The following AMZ1 variants were observed in gnomAD, a reference collection of about 807,000 sequenced individuals.
AMZ1 encodes the protein archaelysin family metallopeptidase 1.
In AMZ1, 39 loss-of-function variants were observed where a neutral mutation model predicts 29.9. That is an observed-to-expected ratio of 1.30 (90% CI 1.01 to 1.70). The LOEUF (loss-of-function observed/expected upper bound fraction) is 1.70. Ranked by LOEUF, AMZ1 falls within the 40% of genes most tolerant of loss-of-function variation. AMZ1 has a pLI of 0.00. For synonymous variants in AMZ1, 458 were observed against 304.0 expected (o/e 1.51, Z -5.27); for missense variants, 1,041 against 680.6 (o/e 1.53, Z -5.89).
upstream of AMZ1, among the ~76,000 whole-genome samples, chr7:2,684,719 G>A (rs865839932): frequency 8.0e-4 from 122 of 152,284 alleles, no homozygotes; most frequent in African/African-American, 2.5e-3. Context: ...GTCATCAGCA[G>A]GCTGCCTCTG....
chr7:2,735,893 G>A (rs913288031), intron 4 of AMZ1, among the ~76,000 whole-genome samples: 3 of 152,110 alleles, frequency 2.0e-5, no homozygotes, highest in African/African-American at 4.8e-5. Flanking sequence ...GGGGCTGGAG[G>A]GGAGGGAAGA....
intron 4 of AMZ1, among the ~76,000 whole-genome samples, chr7:2,750,978 A>T (rs1791006461): frequency 6.6e-6 from 1 of 152,230 alleles, no homozygotes; most frequent in Non-Finnish European, 1.5e-5. Flanking sequence ...AATCAAGAAG[A>T]ATTCACAATG....
At chr7:2,734,496 C>T (rs140292970) in intron 4 of AMZ1, among the ~76,000 whole-genome samples, 87 of 152,226 alleles carry the variant, frequency 5.7e-4, no homozygotes, top group African/African-American at 2.0e-3. Flanking sequence ...GGCGAGCTGA[C>T]GCAGGAGAAT....
chr7:2,698,629 G>T (rs1463491235), intron 1 of AMZ1, among the ~76,000 whole-genome samples: 1 of 152,090 alleles, frequency 6.6e-6, no homozygotes, highest in Non-Finnish European at 1.5e-5. Context: ...TTGAGCCCAG[G>T]AGTTTGAGAC....
rs1032761329 is a variant in AMZ1, at chr7:2,712,797, C to T, written c.1416C>T (p.Ser472=). 5 of 1,552,182 alleles carry T rather than the reference C, an allele frequency of 3.2e-6. No individual in the cohort carries two copies. The highest frequency in any genetic ancestry group is 2.7e-5 in the African/African-American group (2 of 73,336). Residue 472 remains serine (S), a synonymous_variant, in exon 7 of 7, where the codon TCC becomes TCT. Coordinates refer to ENST00000683327, the MANE Select transcript of AMZ1 (RefSeq NM_001384743.1). ...GCAAGGTGCTGGGGGACAAGTTCTC[C>T]TCCCTGAGGAGGAAGCTGAGTGCCC... ...GLRKVLGDKF[S]SLRRKLSARK...
At position 2,731,226 on chromosome 7, in the gene AMZ1, T is replaced by C. The variant is rs1442153597; in HGVS notation, n.550+21410T>C. On this transcript the variant is annotated intron_variant and non_coding_transcript_variant, in intron 4 of 4. Coordinates refer to the AMZ1 transcript ENST00000489665. The surrounding 1 kb of genome is among the most constrained non-coding windows in gnomAD (Gnocchi z 6.0). ...TCAGGTTCTCCTGCAGGATGGTGTC[T>C]TTCACAGCATGGAACACGAAGCGGA... 6.2e-7 allele frequency: 1 copy of C among 1,613,220 alleles called. No individual in the cohort carries two copies.
chr7:2,735,363 C>T (rs543499442), intron 4 of AMZ1, among the ~76,000 whole-genome samples: 1 of 152,332 alleles, frequency 6.6e-6, no homozygotes, highest in African/African-American at 2.4e-5. Context: ...GGCAGTTCTC[C>T]TGCAGGGTTC....
At chr7:2,721,312 TGAG>T (rs1789411177), downstream of AMZ1, among the ~76,000 whole-genome samples, 1 of 152,196 alleles carries the variant, frequency 6.6e-6, no homozygotes, top group Non-Finnish European at 1.5e-5. Flanking sequence ...GTGGAAGATG[TGAG>T]GAGGCCTCTG....
In AMZ1 at chr7:2,709,179, G is replaced by GC. The variant is rs749302796; in HGVS notation, c.712dup (p.Leu238ProfsTer118). The GC allele has an allele frequency of 5.8e-6, 9 of 1,544,202 alleles. No homozygotes were observed. Among genetic ancestry groups the GC allele is most frequent in the East Asian group, 2.3e-5 (1 of 43,342 alleles). On this transcript the variant is annotated frameshift_variant, in exon 5 of 7. Coordinates refer to ENST00000683327, the MANE Select transcript of AMZ1 (RefSeq NM_001384743.1). LOFTEE classifies it high-confidence loss of function. ...AGAGGCAGCAGCAGACGGCCCCGAGGCCCCCCTGCAGGACAGGGGCTGGGC... is the reference window on the plus strand; with the variant it reads ...AGAGGCAGCAGCAGACGGCCCCGAGGCCCCCCCTGCAGGACAGGGGCTGGGC...
chr7:2,736,454 A>G (rs1403621298), intron 4 of AMZ1, among the ~76,000 whole-genome samples: 2 of 152,208 alleles, frequency 1.3e-5, no homozygotes, highest in Non-Finnish European at 2.9e-5. Context: ...CCCTGCCTCA[A>G]CTGTCCCACG....
chr7:2,696,257 A>ATT (rs527280174), intron 1 of AMZ1, among the ~76,000 whole-genome samples: 12,702 of 121,970 alleles, frequency 0.1, 1,244 homozygotes, highest in East Asian at 0.39. Context: ...CTTGATAGTC[A>ATT]TTTTTTTTTT....
Position 2,731,010 on chromosome 7 carries a change from C to CT in AMZ1, n.550+21198dup. ...TAGCTAACGTGACAGTTTCCATGTC[C>CT]TTTTGCCTAGAGCTCGCTGGCTGGC... On this transcript the variant is annotated intron_variant and non_coding_transcript_variant, in intron 4 of 4. Transcript: ENST00000489665. This position sits in a 1 kb window ranked among gnomAD's most constrained non-coding sequence, Gnocchi z 6.0. The CT allele has an allele frequency of 1.8e-6, 1 of 553,494 alleles. No individual in the cohort carries two copies. The highest frequency in any genetic ancestry group is 3.2e-6 in the Non-Finnish European group (1 of 309,842). The allele number at this position is 553,494 out of a possible 1,614,324, so 34.3% of individuals were successfully genotyped here. A position where few individuals can be genotyped will look rare whatever the true frequency, so the allele number is the denominator to read the frequency against.
intron 4 of AMZ1, among the ~76,000 whole-genome samples, chr7:2,746,658 T>C (rs371974007): frequency 6.6e-6 from 1 of 151,676 alleles, no homozygotes; most frequent in East Asian, 1.9e-4. Context: ...AGGCAAGAAA[T>C]AACTAAGATC....
At chr7:2,680,003 C>G (rs1352763232) in intron 1 of AMZ1, among the ~76,000 whole-genome samples, 2 of 152,212 alleles carry the variant, frequency 1.3e-5, no homozygotes, top group African/African-American at 4.8e-5. Flanking sequence ...CTGAGGGACG[C>G]AGCTCACAGC....
intron 4 of AMZ1, among the ~76,000 whole-genome samples, chr7:2,736,251 C>G (rs111707879): frequency 9.9e-4 from 151 of 152,314 alleles, no homozygotes; most frequent in African/African-American, 3.4e-3. Context: ...AGCCCAGAGT[C>G]CTCTCAACGG....
At chr7:2,702,162 C>G (rs555779518) in intron 2 of AMZ1, 4 of 153,594 alleles carry the variant, frequency 2.6e-5, no homozygotes, top group African/African-American at 9.6e-5. Flanking sequence ...GTGTGCATCC[C>G]TTCAGGGGCT....
intron 1 of AMZ1, among the ~76,000 whole-genome samples, chr7:2,695,638 A>C (rs1400482063): frequency 1.3e-5 from 2 of 152,102 alleles, no homozygotes; most frequent in Admixed American, 1.3e-4. Context: ...GCTTGAGCCC[A>C]GGAGTTGGAG....
At chr7:2,697,439 T>C (rs1407467897) in intron 1 of AMZ1, among the ~76,000 whole-genome samples, 2 of 152,040 alleles carry the variant, frequency 1.3e-5, no homozygotes, top group East Asian at 3.9e-4. Context: ...TTGTTGTTTT[T>C]TTGAGACAGG....
At position 2,736,239 on chromosome 7, in the gene AMZ1, C is replaced by T. The variant is rs376667765; in HGVS notation, n.550+26423C>T. Reference sequence around the variant, plus strand: ...TAAAGAGGCACTGTGCCTGCCAAGACGAGCCCAGAGTCCTCTCAACGGCTG... The same window carrying T: ...TAAAGAGGCACTGTGCCTGCCAAGATGAGCCCAGAGTCCTCTCAACGGCTG... On this transcript the variant is annotated intron_variant and non_coding_transcript_variant, in intron 4 of 4. Coordinates refer to the AMZ1 transcript ENST00000489665. Among the ~76,000 whole-genome samples, 3 of 152,172 alleles carry T rather than the reference C, an allele frequency of 2.0e-5. No individual in the cohort carries two copies. The South Asian group carries it at 6.2e-4, about 31-fold the overall frequency.
Sources: allele counts gnomAD v4.1 joint callset (sites outside exome capture counted in the v4.1 genomes callset), GRCh38; gene constraint gnomAD v4.1.1; non-coding constraint Gnocchi (gnomAD v3.1); transcripts MANE v1.5; gene names NCBI Gene and HGNC (gene_info 2026-07-23, HGNC 2026-07-21).